Variants in MSRA observed in about 807,000 individuals in gnomAD.
The protein encoded by MSRA is methionine sulfoxide reductase A.
In MSRA, 54 loss-of-function variants were observed where a neutral mutation model predicts 31.3. That is an observed-to-expected ratio of 1.73 (90% confidence interval 1.39 to 2.17). The LOEUF (loss-of-function observed/expected upper bound fraction) is 2.17. Among genes scored for constraint, MSRA ranks in the 30% most tolerant of loss-of-function variants. The pLI is 0.00. For synonymous variants in MSRA, 169 were observed against 116.5 expected, an observed-to-expected ratio of 1.45 and a Z score of -2.90; for missense variants, 507 against 300.9, an observed-to-expected ratio of 1.69 and a Z score of -5.07.
intron 1 of MSRA, among the ~76,000 whole-genome samples, chr8:10,183,796 GTGGTGGTGGTGGTGC>G (rs1337566656): frequency 6.6e-6 from 1 of 150,780 alleles, no homozygotes; most frequent in African/African-American, 2.5e-5. Flanking sequence ...GGTGGTGGTG[GTGGTGGTGGTGGTGC>G]TGCTGCTGCT....
chr8:10,093,565 T>G (rs529545100), intron 1 of MSRA, among the ~76,000 whole-genome samples: 1 of 152,268 alleles, frequency 6.6e-6, no homozygotes, highest in East Asian at 1.9e-4. Context: ...GTCATTTACA[T>G]CAGATAGAAA....
chr8:10,074,334 G>A (rs1797890318), intron 1 of MSRA, among the ~76,000 whole-genome samples: 3 of 151,682 alleles, frequency 2.0e-5, no homozygotes, highest in African/African-American at 7.3e-5. Context: ...TGCCTGCCTC[G>A]GCCTCCCAAA....
In MSRA at chr8:10,145,793, TACAC is replaced by T. The variant is rs1803090831; in HGVS notation, c.143-62034_143-62031del. Among the ~76,000 whole-genome samples, 5 of 152,266 alleles carry T rather than the reference TACAC, an allele frequency of 3.3e-5. No homozygotes were observed. The South Asian group carries it at 1.0e-3, about 32-fold the overall frequency. On this transcript the variant is annotated intron_variant, in intron 1 of 5. Coordinates refer to ENST00000317173, the MANE Select transcript of MSRA (RefSeq NM_012331.5). ...AGTGAAAATTTAAAAATTACACACA[TACAC>T]ACACAGATGTACATACACCCGCATC...
At chr8:10,106,893 C>T (rs1266908776) in intron 1 of MSRA, among the ~76,000 whole-genome samples, 1 of 151,824 alleles carries the variant, frequency 6.6e-6, no homozygotes, top group African/African-American at 2.4e-5. Context: ...CCTCCACCCG[C>T]CTACCCCTCT....
chr8:10,140,247 C>T (rs1448803932), intron 1 of MSRA, among the ~76,000 whole-genome samples: 5 of 152,072 alleles, frequency 3.3e-5, no homozygotes, highest in Admixed American at 3.3e-4. Context: ...TTGTTCCTTC[C>T]TCCAGTTACA....
intron 1 of MSRA, among the ~76,000 whole-genome samples, chr8:10,066,228 C>T (rs923015213): frequency 6.6e-6 from 1 of 152,090 alleles, no homozygotes; most frequent in Non-Finnish European, 1.5e-5. Flanking sequence ...CTCAGGAGAT[C>T]CACCTGCCTT....
At chr8:10,378,264 T>C (rs1446115338) in intron 5 of MSRA, among the ~76,000 whole-genome samples, 1 of 152,112 alleles carries the variant, frequency 6.6e-6, no homozygotes, top group African/African-American at 2.4e-5. Flanking sequence ...CCTGTGGTGC[T>C]AGCAGCCTGC....
intron 5 of MSRA, among the ~76,000 whole-genome samples, chr8:10,328,935 G>T (rs965610292): frequency 1.3e-5 from 2 of 152,164 alleles, no homozygotes; most frequent in East Asian, 1.9e-4. Flanking sequence ...TTCAGAGGCT[G>T]TGGACATGCT....
At chr8:10,374,194 T>A (rs1805630709) in intron 5 of MSRA, among the ~76,000 whole-genome samples, 1 of 152,216 alleles carries the variant, frequency 6.6e-6, no homozygotes, top group Non-Finnish European at 1.5e-5. Context: ...ACACTTTGCC[T>A]GTGGAGTTTA....
intron 4 of MSRA, among the ~76,000 whole-genome samples, chr8:10,302,083 T>C (rs2129125828): frequency 6.6e-6 from 1 of 152,316 alleles, no homozygotes; most frequent in East Asian, 1.9e-4. Context: ...ATGTATGTGG[T>C]GATAAAGAAG....
intron 1 of MSRA, 22 bp from the exon 2 acceptor site, chr8:10,207,811 A>ATT: frequency 6.4e-7 from 1 of 1,570,746 alleles, no homozygotes. Context: ...TTAAACTTGC[A>ATT]TTTCTTTTTT....
At chr8:10,120,210 G>A (rs929229027) in intron 1 of MSRA, among the ~76,000 whole-genome samples, 3 of 152,164 alleles carry the variant, frequency 2.0e-5, no homozygotes, top group African/African-American at 7.2e-5. Flanking sequence ...AGACTGTCCT[G>A]CAGAAAGACT....
chr8:10,174,415 G>T (rs1185627743), intron 1 of MSRA, among the ~76,000 whole-genome samples: 3 of 152,096 alleles, frequency 2.0e-5, no homozygotes, highest in Non-Finnish European at 2.9e-5. Flanking sequence ...TATGTGTTTG[G>T]TGTCACGCAA....
chr8:10,280,843 A>C (rs1049633185), intron 3 of MSRA, among the ~76,000 whole-genome samples: 2 of 152,258 alleles, frequency 1.3e-5, no homozygotes, highest in Admixed American at 6.5e-5. Flanking sequence ...GTGAACTACT[A>C]ATGCACACAA....
At chr8:10,108,938 AG>A (rs1428634548) in intron 1 of MSRA, among the ~76,000 whole-genome samples, 1 of 152,182 alleles carries the variant, frequency 6.6e-6, no homozygotes, top group African/African-American at 2.4e-5. Context: ...ATGAAATAAA[AG>A]TCTATTTATA....
chr8:10,341,961 G>A (rs1159828803), intron 5 of MSRA, among the ~76,000 whole-genome samples: 2 of 152,138 alleles, frequency 1.3e-5, no homozygotes, highest in Non-Finnish European at 2.9e-5. Flanking sequence ...CATAAGCTGT[G>A]CCTCTTGTGT....
At chr8:10,144,065 C>A (rs1294609621) in intron 1 of MSRA, among the ~76,000 whole-genome samples, 5 of 152,046 alleles carry the variant, frequency 3.3e-5, no homozygotes, top group African/African-American at 4.8e-5. Context: ...GTAACAGTAC[C>A]CAGACAGGGA....
intron 2 of MSRA, among the ~76,000 whole-genome samples, chr8:10,229,790 C>T (rs933423992): frequency 2.0e-5 from 3 of 152,098 alleles, no homozygotes; most frequent in Non-Finnish European, 4.4e-5. Flanking sequence ...GGAAATATGC[C>T]CCATTCAACA....
intron 5 of MSRA, among the ~76,000 whole-genome samples, chr8:10,347,482 G>T (rs148123497): frequency 6.6e-6 from 1 of 152,160 alleles, no homozygotes; most frequent in African/African-American, 2.4e-5. Context: ...GCAGCTATCA[G>T]TGGGTCCCCA....
Sources: gnomAD v4.1 joint callset for allele counts (sites outside exome capture counted in the v4.1 genomes callset) on GRCh38, gnomAD v4.1.1 for gene constraint, MANE v1.5 for transcripts, NCBI Gene and HGNC (gene_info 2026-07-23, HGNC 2026-07-21) for gene names.